The following CSPP1 variants were observed in gnomAD, a reference collection of about 807,000 sequenced individuals.
CSPP1 encodes the protein centrosome and spindle pole-associated protein 1.
Under a neutral mutation model 164.4 loss-of-function variants are expected in CSPP1, and 126 were observed. The observed-to-expected ratio is 0.77, with a 90% CI of 0.66 to 0.89. The LOEUF is 0.89. Among genes scored for constraint, CSPP1 ranks in the 40% least tolerant of loss-of-function variants. The pLI is 0.00. For synonymous variants in CSPP1, 472 were observed against 476.7 expected, an observed-to-expected ratio of 0.99 and a Z score of 0.13; for missense variants, 1,395 against 1,449.8, an observed-to-expected ratio of 0.96 and a Z score of 0.61.
chr8:67,105,514 G>C (rs879822717), intron 8 of CSPP1, among the ~76,000 whole-genome samples: 19 of 151,972 alleles, frequency 1.3e-4, no homozygotes, highest in African/African-American at 4.6e-4. Flanking sequence ...CTGAGTAGCT[G>C]GGATTACAGG....
intron 1 of CSPP1, among the ~76,000 whole-genome samples, chr8:67,071,661 C>G (rs1353723133): frequency 1.3e-5 from 2 of 152,176 alleles, no homozygotes; most frequent in African/African-American, 4.8e-5. Flanking sequence ...TTACTTCTGT[C>G]CAAGATTCTA....
chr8:67,155,911 C>A (rs1021513775), intron 19 of CSPP1, among the ~76,000 whole-genome samples: 3 of 152,020 alleles, frequency 2.0e-5, no homozygotes, highest in African/African-American at 4.8e-5. Flanking sequence ...TCAGCAGAAA[C>A]AATATAGATA....
At chr8:67,096,603 G>A (rs1812848940) in intron 7 of CSPP1, among the ~76,000 whole-genome samples, 1 of 150,006 alleles carries the variant, frequency 6.7e-6, no homozygotes, top group East Asian at 2.0e-4. Context: ...TGTGCCTCAC[G>A]CTTGTAATCC....
At chr8:67,194,284 CTTTAGTCTGTTAATCTACAT>C (rs1837257688) in intron 30 of CSPP1, among the ~76,000 whole-genome samples, 1 of 152,162 alleles carries the variant, frequency 6.6e-6, no homozygotes, top group Non-Finnish European at 1.5e-5. Context: ...GGGAAATACT[CTTTAGTCTGTTAATCTACAT>C]TACAATAATC....
chr8:67,095,569 G>C lies in CSPP1; in HGVS notation c.760G>C (p.Gly254Arg). The C allele has an allele frequency of 6.2e-7, 1 of 1,613,954 alleles. No homozygotes were observed. The highest frequency in any genetic ancestry group is 8.5e-7 in the Non-Finnish European group (1 of 1,179,988). Residue 254 changes from glycine to arginine, a missense_variant, in exon 7 of 31, where the codon GGC becomes CGC. Gly to Arg is a moderately radical substitution (Grantham distance 125). Transcript: ENST00000678616. ...LKHQRFASKA[G>R]IPDRRFHRFN... ...ACATCAAAGGTTTGCAAGCAAGGCT[G>C]GCATTCCAGATAGAAGATTTCACAG...
chr8:67,167,319 C>T (rs1829531035), intron 24 of CSPP1, among the ~76,000 whole-genome samples: 1 of 150,678 alleles, frequency 6.6e-6, no homozygotes, highest in South Asian at 2.1e-4. Context: ...GCACCCCCAC[C>T]TCCCGGATGG....
At chr8:67,157,973 A>T (rs949067708) in intron 19 of CSPP1, 1 of 152,258 alleles carries the variant, frequency 6.6e-6, no homozygotes, top group Non-Finnish European at 1.5e-5. Context: ...TTGCATTAAA[A>T]AATGATTGAA....
chr8:67,109,586 G>C (rs568976902), intron 9 of CSPP1, among the ~76,000 whole-genome samples: 1 of 152,278 alleles, frequency 6.6e-6, no homozygotes, highest in African/African-American at 2.4e-5. Context: ...GCTGGGAGCA[G>C]GGAACATAGT....
chr8:67,100,257 A>G (rs182990014), intron 7 of CSPP1, among the ~76,000 whole-genome samples: 11 of 152,288 alleles, frequency 7.2e-5, no homozygotes, highest in African/African-American at 2.2e-4. Flanking sequence ...TTAACCTTAT[A>G]CATAAATAAA....
At chr8:67,109,833 C>T (rs947018307) in intron 9 of CSPP1, among the ~76,000 whole-genome samples, 6 of 152,016 alleles carry the variant, frequency 3.9e-5, no homozygotes, top group East Asian at 3.9e-4. Flanking sequence ...AAGTGGATGG[C>T]GGGGTTACAG....
chr8:67,175,602 A>AG, intron 26 of CSPP1, 166 bp downstream of exon 26: 1 of 785,490 alleles, frequency 1.3e-6, no homozygotes, highest in South Asian at 1.5e-5. Flanking sequence ...CAAGTATGAG[A>AG]GAGAGCTCTG....
chr8:67,186,422 A>T (rs1197212079), intron 28 of CSPP1, among the ~76,000 whole-genome samples: 1 of 124,378 alleles, frequency 8.0e-6, no homozygotes, highest in Non-Finnish European at 1.6e-5. Flanking sequence ...TTAAATTAAA[A>T]AAAAAAAAAA....
At chr8:67,138,262 C>G (rs1586432534) in intron 17 of CSPP1, among the ~76,000 whole-genome samples, 2 of 152,122 alleles carry the variant, frequency 1.3e-5, no homozygotes, top group African/African-American at 4.8e-5. Context: ...TGTGAATACC[C>G]AAATCCATGG....
Sources: gnomAD v4.1 joint callset for allele counts (sites outside exome capture counted in the v4.1 genomes callset) on GRCh38, gnomAD v4.1.1 for gene constraint, MANE v1.5 for transcripts, NCBI Gene and HGNC (gene_info 2026-07-23, HGNC 2026-07-21) for gene names.